Variants in CPNE4 observed in about 807,000 individuals in gnomAD.
CPNE4 encodes copine 4, also known as copine-4.
A neutral mutation model predicts 67.9 loss-of-function variants in CPNE4; 25 were observed. That is an observed-to-expected ratio of 0.37 (90% CI 0.27 to 0.51). CPNE4 has a LOEUF of 0.51. Among genes scored for constraint, CPNE4 ranks in the 20% least tolerant of loss-of-function variants. The pLI is 0.93. For synonymous variants in CPNE4, 242 were observed against 244.9 expected (o/e 0.99, Z 0.11); for missense variants, 464 against 690.8 (o/e 0.67, Z 3.68).
At chr3:131,598,316 A>G (rs1668278845) in intron 7 of CPNE4, among the ~76,000 whole-genome samples, 1 of 152,178 alleles carries the variant, frequency 6.6e-6, no homozygotes, top group African/African-American at 2.4e-5. Context: ...TCCTGTCTAA[A>G]ATTCTCCAGT....
Position 131,952,461 on chromosome 3 carries a change from G to A in CPNE4, c.-1-47017C>T, listed in dbSNP as rs571502401. Among the ~76,000 whole-genome samples, 10 of 96,400 alleles carry A rather than the reference G, an allele frequency of 1.0e-4. No individual in the cohort carries two copies. In the East Asian group the frequency reaches 1.5e-3, roughly 15 times the overall value. 63.2% of individuals were successfully genotyped at this position (96,400 alleles called of 152,430 possible). ...TCTCCGCCCAGCAGCCACCCCGTCC[G>A]GGAGGGAGGTGGGGGGGTCAGCGCC... is the stretch of plus-strand genomic sequence containing the variant. On this transcript the variant is annotated intron_variant, in intron 1 of 15. Coordinates refer to ENST00000429747, the MANE Select transcript of CPNE4 (RefSeq NM_130808.3).
chr3:131,865,298 T>A (rs975317826), intron 2 of CPNE4, among the ~76,000 whole-genome samples: 2 of 152,214 alleles, frequency 1.3e-5, no homozygotes, highest in Non-Finnish European at 2.9e-5. Context: ...CTCCTCCTTG[T>A]ACCTCTGGTA....
intron 2 of CPNE4, among the ~76,000 whole-genome samples, chr3:131,745,411 T>A (rs1212570462): frequency 6.6e-6 from 1 of 152,222 alleles, no homozygotes; most frequent in East Asian, 1.9e-4. Flanking sequence ...AGACCAAAGC[T>A]TTACATTTTG....
intron 1 of CPNE4, among the ~76,000 whole-genome samples, chr3:131,959,799 A>G (rs182343323): frequency 6.6e-6 from 1 of 152,280 alleles, no homozygotes; most frequent in Non-Finnish European, 1.5e-5. Context: ...GCCCACTCAC[A>G]CAAAGCCACC....
chr3:131,763,082 T>C (rs2082929223), intron 2 of CPNE4, among the ~76,000 whole-genome samples: 1 of 152,096 alleles, frequency 6.6e-6, no homozygotes, highest in Non-Finnish European at 1.5e-5. Flanking sequence ...ACCTTCCAGA[T>C]ATAGTAATTT....
intron 1 of CPNE4, among the ~76,000 whole-genome samples, chr3:131,946,137 T>C (rs777173967): frequency 6.6e-5 from 10 of 152,208 alleles, no homozygotes; most frequent in Non-Finnish European, 1.5e-4. Flanking sequence ...TTTCCATCAC[T>C]TCTAAGTAAA....
chr3:132,018,701 C>A (rs917583123), intron 1 of CPNE4, among the ~76,000 whole-genome samples: 2 of 152,162 alleles, frequency 1.3e-5, no homozygotes, highest in African/African-American at 4.8e-5. Flanking sequence ...TCCAAATGGG[C>A]AAGCCTTGGA....
At chr3:131,700,168 T>G (rs1014216188) in intron 3 of CPNE4, among the ~76,000 whole-genome samples, 188 bp from the exon 4 acceptor site, 1 of 151,820 alleles carries the variant, frequency 6.6e-6, no homozygotes, top group African/African-American at 2.4e-5. Context: ...TTTCTCTTTC[T>G]TCTTATGGTG....
intron 7 of CPNE4, among the ~76,000 whole-genome samples, chr3:131,663,671 TG>T (rs546449408): frequency 1.3e-5 from 2 of 152,082 alleles, no homozygotes; most frequent in Non-Finnish European, 2.9e-5. Flanking sequence ...AATCCAGCTT[TG>T]GGGGTGTCAG....
intron 2 of CPNE4, among the ~76,000 whole-genome samples, chr3:131,809,496 A>G (rs1318291470): frequency 6.6e-6 from 1 of 151,922 alleles, no homozygotes; most frequent in Non-Finnish European, 1.5e-5. Context: ...AAGCAAGAGA[A>G]AGTGAATACC....
At chr3:131,611,603 T>C (rs1183711303) in intron 7 of CPNE4, among the ~76,000 whole-genome samples, 1 of 152,086 alleles carries the variant, frequency 6.6e-6, no homozygotes, top group South Asian at 2.1e-4. Context: ...CCTTAACCGA[T>C]GTCCTTTGTG....
intron 1 of CPNE4, among the ~76,000 whole-genome samples, chr3:131,988,190 C>G (rs1459704419): frequency 1.3e-5 from 2 of 151,990 alleles, no homozygotes; most frequent in Non-Finnish European, 2.9e-5. Context: ...GCTATAAGAA[C>G]AGGGTGAAGT....
At chr3:131,556,362 C>T (rs116006443) in intron 11 of CPNE4, among the ~76,000 whole-genome samples, 1 of 152,052 alleles carries the variant, frequency 6.6e-6, no homozygotes, top group Non-Finnish European at 1.5e-5. Flanking sequence ...GGTAATAGAC[C>T]AAGACTCTAT....
chr3:131,559,461 T>C (rs1050705098), intron 11 of CPNE4, among the ~76,000 whole-genome samples: 4 of 151,994 alleles, frequency 2.6e-5, no homozygotes, highest in African/African-American at 9.7e-5. Flanking sequence ...AGAGCTGATT[T>C]CTGATAGGTT....
rs190718332 is a variant in CPNE4, at chr3:131,679,358, A to G, written c.591+6517T>C. Among the ~76,000 whole-genome samples the G allele has an allele frequency of 1.0e-3, 154 of 150,728 alleles. 1 individual carries two copies. Among genetic ancestry groups the G allele is most frequent in the Middle Eastern group, 3.4e-3 (1 of 292 alleles). On this transcript the variant is annotated intron_variant, in intron 6 of 15. Transcript: ENST00000429747. ...TTAGTATAGCTAGTGGTCTACTATA[A>G]TATTATTAAAAAAAAACCTGCTCCT... is the stretch of plus-strand genomic sequence containing the variant.
At chr3:131,699,334 A>C (rs1383159312) in intron 4 of CPNE4, among the ~76,000 whole-genome samples, 1 of 152,230 alleles carries the variant, frequency 6.6e-6, no homozygotes, top group East Asian at 1.9e-4. Context: ...TAAGGAACTG[A>C]ATATTTACTT....
At chr3:131,827,759 A>G (rs956310209) in intron 2 of CPNE4, among the ~76,000 whole-genome samples, 2 of 152,086 alleles carry the variant, frequency 1.3e-5, no homozygotes, top group Non-Finnish European at 2.9e-5. Flanking sequence ...AAACAAATGA[A>G]AAACTAATAA....
At chr3:131,913,107 T>C (rs1013519895) in intron 1 of CPNE4, among the ~76,000 whole-genome samples, 2 of 152,088 alleles carry the variant, frequency 1.3e-5, no homozygotes, top group African/African-American at 4.8e-5. Context: ...TAGTCAGGCA[T>C]GAGAAGTGTA....
intron 2 of CPNE4, among the ~76,000 whole-genome samples, chr3:131,868,340 T>A (rs1489729643): frequency 6.6e-6 from 1 of 152,188 alleles, no homozygotes; most frequent in Non-Finnish European, 1.5e-5. Flanking sequence ...CAGGCATGCA[T>A]ATCTTTCCTC....
Sources: allele counts gnomAD v4.1 joint callset (sites outside exome capture counted in the v4.1 genomes callset), GRCh38; gene constraint gnomAD v4.1.1; transcripts MANE v1.5; gene names NCBI Gene and HGNC (gene_info 2026-07-23, HGNC 2026-07-21).